Variants in CDO1 observed in about 807,000 individuals in gnomAD.
CDO1 encodes cysteine dioxygenase, type I.
In CDO1, 19 loss-of-function variants were observed where a neutral mutation model predicts 24.5. The observed-to-expected ratio is 0.77, with a 90% CI of 0.54 to 1.14. CDO1 has a LOEUF of 1.14. CDO1 is among the 50% of genes most tolerant of loss of function. The pLI is 0.00. For missense variants in CDO1, 244 were observed against 244.8 expected, an observed-to-expected ratio of 1.00 and a Z score of 0.02; for synonymous variants, 91 against 87.0, an observed-to-expected ratio of 1.05 and a Z score of -0.26.
intron 2 of CDO1, among the ~76,000 whole-genome samples, 185 bp downstream of exon 2, chr5:115,812,996 G>A (rs577767554): frequency 7.3e-6 from 1 of 136,164 alleles, no homozygotes; most frequent in South Asian, 2.4e-4. Flanking sequence ...GCAGTGAGCT[G>A]AGATCATGCC....
chr5:115,813,268 A>T lies in CDO1; in HGVS notation c.171-10T>A, dbSNP rs1760276506. The T allele has an allele frequency of 6.8e-7, 1 of 1,470,020 alleles. No individual in the cohort carries two copies. Among genetic ancestry groups the T allele is most frequent in the Non-Finnish European group, 9.5e-7 (1 of 1,050,110 alleles). 91.1% of individuals were successfully genotyped at this position (1,470,020 alleles called of 1,614,324 possible). A position where few individuals can be genotyped will look rare whatever the true frequency, so the allele number is the denominator to read the frequency against. On this transcript the variant is annotated splice_polypyrimidine_tract_variant and intron_variant, in intron 1 of 4. Coordinates refer to ENST00000250535, the MANE Select transcript of CDO1 (RefSeq NM_001801.3). ...AAGATTTCGGGTATACCTAAAAAAA[A>T]ACAATATATTCAGAAGTTTTAAGTT...
chr5:115,812,082 T>C (rs1028993419), intron 2 of CDO1, among the ~76,000 whole-genome samples: 1 of 152,196 alleles, frequency 6.6e-6, no homozygotes, highest in African/African-American at 2.4e-5. Context: ...TGAATTTTAT[T>C]AATTTATATA....
Position 115,806,520 on chromosome 5 carries a change from T to G in CDO1, c.404-2A>C. 6.2e-7 allele frequency: 1 copy of G among 1,601,528 alleles called. No homozygotes were observed. Among genetic ancestry groups the G allele is most frequent in the Non-Finnish European group, 8.5e-7 (1 of 1,176,198 alleles). On this transcript the variant is annotated splice_acceptor_variant, in intron 3 of 4. Coordinates refer to ENST00000250535, the MANE Select transcript of CDO1 (RefSeq NM_001801.3). LOFTEE classifies it high-confidence loss of function. ...CTACTCGATGTAAGCCAATGGAATC[T>G]AAACAATATCCGGGAAGGAAAAATA... is the stretch of plus-strand genomic sequence containing the variant.
At chr5:115,811,430 C>T in intron 2 of CDO1, 115 bp from the exon 3 acceptor site, 1 of 679,170 alleles carries the variant, frequency 1.5e-6, no homozygotes. Flanking sequence ...TCTCCCCAGC[C>T]AAAATCCATT....
chr5:115,816,323 G>T lies in CDO1; in HGVS notation c.75C>A (p.Gly25=). 6.2e-7 allele frequency: 1 copy of T among 1,614,102 alleles called. No individual in the cohort carries two copies. The stretch of plus-strand genomic sequence containing the variant: ...GCACCTCCTCTACATTGACCTCATC[G>T]CCGGCAAAGAGCTGGTGCAGGATGC... The part of the protein sequence containing the change: ...LIRILHQLFA[G]DEVNVEEVQA... Residue 25 remains glycine, a synonymous_variant, in exon 1 of 5, where the codon GGC becomes GGA. Coordinates refer to ENST00000250535, the MANE Select transcript of CDO1 (RefSeq NM_001801.3).
chr5:115,806,761 T>C (rs189879245), intron 3 of CDO1, among the ~76,000 whole-genome samples: 96 of 151,946 alleles, frequency 6.3e-4, no homozygotes, highest in Non-Finnish European at 1.1e-3. Context: ...AAAGACAAAA[T>C]AGGAAAAGAG....
chr5:115,816,386 G>T lies in CDO1; in HGVS notation c.12C>A (p.Thr4=), dbSNP rs748005712. 6.2e-7 allele frequency: 1 copy of T among 1,613,262 alleles called. No individual in the cohort carries two copies. The highest frequency in any genetic ancestry group is 1.1e-5 in the South Asian group (1 of 91,058). ...CCAGGGTCCGTGGCTTCAGCACTTC[G>T]GTCTGTTCCATCTCGTGGGGAGCTG... The part of the protein sequence containing the change: MEQ[T]EVLKPRTLAD... The change falls in exon 1 of 5, where the codon ACC becomes ACA. Residue 4 remains threonine (T), a synonymous_variant. Transcript: ENST00000250535.
In CDO1 at chr5:115,816,352, T is replaced by C. The variant is rs371311704; in HGVS notation, c.46A>G (p.Ile16Val). ...VLKPRTLADL[I>V]RILHQLFAGD... ...GCAAAGAGCTGGTGCAGGATGCGGA[T>C]CAGATCAGCCAGGGTCCGTGGCTTC... is the stretch of plus-strand genomic sequence containing the variant. Residue 16 changes from isoleucine (I) to valine (V), a missense_variant, in exon 1 of 5, where the codon ATC (isoleucine) becomes GTC (valine). Ile to Val is a conservative substitution (Grantham distance 29). Transcript: ENST00000250535. 9.3e-6 allele frequency: 15 copies of C among 1,613,856 alleles called. No homozygotes were observed. In the East Asian group the frequency reaches 1.1e-4, roughly 12 times the overall value.
intron 3 of CDO1, among the ~76,000 whole-genome samples, chr5:115,810,910 G>A (rs952294183): frequency 2.0e-5 from 3 of 152,108 alleles, no homozygotes; most frequent in Admixed American, 2.0e-4. Context: ...TATTTTAACT[G>A]TCTTAAGTCT....
intron 1 of CDO1, among the ~76,000 whole-genome samples, chr5:115,815,559 G>C (rs926914907): frequency 2.0e-5 from 3 of 152,204 alleles, no homozygotes; most frequent in Non-Finnish European, 4.4e-5. Context: ...AGTTAAATTG[G>C]TTTGGGAAAG....
chr5:115,811,076 T>G (rs1760165804), intron 3 of CDO1, 85 bp downstream of exon 3: 1 of 1,212,438 alleles, frequency 8.2e-7, no homozygotes, highest in Admixed American at 2.1e-5. Flanking sequence ...CAGGTTCTAC[T>G]GCATAAAAAG....
intron 3 of CDO1, 65 bp downstream of exon 3, chr5:115,811,096 C>G: frequency 7.0e-7 from 1 of 1,434,068 alleles, no homozygotes; most frequent in East Asian, 2.3e-5. Flanking sequence ...GTGTAAGTAA[C>G]CAATATTTCA....
chr5:115,810,652 C>T (rs1760147846), intron 3 of CDO1, among the ~76,000 whole-genome samples: 1 of 152,128 alleles, frequency 6.6e-6, no homozygotes, highest in African/African-American at 2.4e-5. Context: ...ATTTGGCTAT[C>T]CCATATCCCA....
rs945585602 is a variant in CDO1 at position 115,804,772 on chromosome 5, T to G, written c.*661A>C. 1 of 152,212 alleles carries G rather than the reference T, an allele frequency of 6.6e-6. No individual in the cohort carries two copies. Among genetic ancestry groups the G allele is most frequent in the African/African-American group, 2.4e-5 (1 of 41,454 alleles). 9.4% of individuals were successfully genotyped at this position (152,212 alleles called of 1,614,324 possible). On this transcript the variant is annotated 3_prime_UTR_variant, in exon 5 of 5. Transcript: ENST00000250535. The stretch of plus-strand genomic sequence containing the variant: ...ACTTTATTTAAATTATTTGGTAATT[T>G]TAGCAGTACAAAATCTTTGACTATG...
chr5:115,805,876 G>C (rs1363137199), intron 4 of CDO1, among the ~76,000 whole-genome samples: 1 of 152,168 alleles, frequency 6.6e-6, no homozygotes, highest in East Asian at 1.9e-4. Flanking sequence ...TTCTCAAGGA[G>C]GAACATGTTA....
chr5:115,811,109 C>A, intron 3 of CDO1, 52 bp downstream of exon 3: 2 of 1,527,990 alleles, frequency 1.3e-6, no homozygotes, highest in Non-Finnish European at 1.8e-6. Flanking sequence ...ATATTTCAGA[C>A]AAAAGGTCAT....
intron 3 of CDO1, among the ~76,000 whole-genome samples, chr5:115,808,450 C>CTTCCATGGATCCT (rs1416574398): frequency 3.9e-5 from 6 of 151,946 alleles, no homozygotes; most frequent in Non-Finnish European, 7.4e-5. Flanking sequence ...AAAAATTTAC[C>CTTCCATGGATCCT]TTCCATGGAT....
At position 115,816,318 on chromosome 5, in the gene CDO1, T is replaced by C. The variant is rs1481294098; in HGVS notation, c.80A>G (p.Glu27Gly). 6.2e-7 allele frequency: 1 copy of C among 1,613,952 alleles called. No homozygotes were observed. The highest frequency in any genetic ancestry group is 1.3e-5 in the African/African-American group (1 of 74,898). Residue 27 changes from glutamate (E) to glycine (G), a missense_variant, in exon 1 of 5, where the codon GAG (glutamate) becomes GGG (glycine). By Grantham distance (98) the Glu-to-Gly change is moderately conservative. Transcript: ENST00000250535. ...RILHQLFAGD[E>G]VNVEEVQAIM... ...GGCCTGCACCTCCTCTACATTGACCTCATCGCCGGCAAAGAGCTGGTGCAG... is the reference window on the plus strand; with the variant it reads ...GGCCTGCACCTCCTCTACATTGACCCCATCGCCGGCAAAGAGCTGGTGCAG...
In CDO1 at chr5:115,806,356, G is replaced by A; in HGVS notation, c.566C>T (p.Thr189Ile). The change falls in exon 4 of 5, where the codon ACT (threonine) becomes ATT (isoleucine). Residue 189 changes from threonine to isoleucine, a missense_variant. Coordinates refer to ENST00000250535, the MANE Select transcript of CDO1 (RefSeq NM_001801.3). ...MTFHSKFGIR[T>I]PNATSGSLEN... is the part of the protein sequence containing the mutation. ...AGAAGAAATTATACTCACATTTGGA[G>A]TTCTGATTCCAAATTTACTATGGAA... 6.2e-7 allele frequency: 1 copy of A among 1,604,382 alleles called. No individual in the cohort carries two copies. The highest frequency in any genetic ancestry group is 8.5e-7 in the Non-Finnish European group (1 of 1,176,262).
Sources: allele counts gnomAD v4.1 joint callset (sites outside exome capture counted in the v4.1 genomes callset), GRCh38; gene constraint gnomAD v4.1.1; transcripts MANE v1.5; gene names NCBI Gene and HGNC (gene_info 2026-07-23, HGNC 2026-07-21).